Variants in POMK observed in about 807,000 individuals in gnomAD.
POMK encodes the protein protein O-mannose kinase.
A neutral mutation model predicts 23.0 loss-of-function variants in POMK; 19 were observed. That is an observed-to-expected ratio of 0.83 (90% confidence interval 0.58 to 1.21). The LOEUF is 1.21. Among genes scored for constraint, POMK ranks in the 50% most tolerant of loss-of-function variants. POMK has a pLI of 0.00. For synonymous variants in POMK, 173 were observed against 171.6 expected (o/e 1.01, Z -0.06); for missense variants, 410 against 431.3 (o/e 0.95, Z 0.44).
At chr8:43,120,711 C>G (rs1228468754) in intron 4 of POMK, among the ~76,000 whole-genome samples, 5 of 147,830 alleles carry the variant, frequency 3.4e-5, no homozygotes, top group African/African-American at 1.2e-4. Context: ...GAGTTTCACT[C>G]TTGTTGCCCA....
chr8:43,099,197 C>T (rs576567646), intron 2 of POMK, among the ~76,000 whole-genome samples: 1 of 152,364 alleles, frequency 6.6e-6, no homozygotes, highest in East Asian at 1.9e-4. Context: ...GCGATCCTCC[C>T]ACCTTGGCCT....
At chr8:43,100,788 G>T (rs1811424143) in intron 2 of POMK, among the ~76,000 whole-genome samples, 1 of 151,926 alleles carries the variant, frequency 6.6e-6, no homozygotes, top group Admixed American at 6.6e-5. Flanking sequence ...GAGGTAGGGG[G>T]TGGTGGTGGT....
At chr8:43,098,353 T>C (rs1286945832) in intron 2 of POMK, among the ~76,000 whole-genome samples, 1 of 152,232 alleles carries the variant, frequency 6.6e-6, no homozygotes, top group Non-Finnish European at 1.5e-5. Flanking sequence ...GGACATTTCA[T>C]GTAAATGGAA....
At chr8:43,119,168 G>A (rs1173281261) in intron 4 of POMK, among the ~76,000 whole-genome samples, 2 of 152,054 alleles carry the variant, frequency 1.3e-5, no homozygotes, top group Non-Finnish European at 2.9e-5. Flanking sequence ...TCGTTTTTAG[G>A]TGAAAAATGG....
rs576333819 is a variant in POMK at position 43,112,001 on chromosome 8, T to G, written c.282+8171T>G. Among the ~76,000 whole-genome samples, 19 of 152,166 alleles carry G rather than the reference T, an allele frequency of 1.2e-4. No individual in the cohort carries two copies. The South Asian group carries it at 1.9e-3, about 15-fold the overall frequency. On this transcript the variant is annotated intron_variant, in intron 4 of 4. Transcript: ENST00000331373. Reference sequence around the variant, plus strand: ...GCAGAAAAACTGGAAACTCTAAAAATCAGAGCGCCTCTCCTCCTCCAAAGG... The same window carrying G: ...GCAGAAAAACTGGAAACTCTAAAAAGCAGAGCGCCTCTCCTCCTCCAAAGG...
intron 4 of POMK, among the ~76,000 whole-genome samples, chr8:43,104,624 A>G (rs1811510991): frequency 6.6e-6 from 1 of 152,194 alleles, no homozygotes; most frequent in Admixed American, 6.5e-5. Flanking sequence ...TGACTTTTCA[A>G]CTGTGAAATT....
chr8:43,105,200 T>G (rs1811521731), intron 4 of POMK, among the ~76,000 whole-genome samples: 1 of 152,190 alleles, frequency 6.6e-6, no homozygotes, highest in South Asian at 2.1e-4. Flanking sequence ...ATTCAATATC[T>G]TCTCTTCTGG....
At chr8:43,112,078 ATGAGT>A (rs201596962) in intron 4 of POMK, among the ~76,000 whole-genome samples, 3,125 of 152,308 alleles carry the variant, frequency 0.021, 114 homozygotes, top group African/African-American at 0.071. Context: ...AATGACTTTG[ATGAGT>A]TGAGAGAGGA....
At chr8:43,106,344 A>AT (rs1811543877) in intron 4 of POMK, among the ~76,000 whole-genome samples, 1 of 151,360 alleles carries the variant, frequency 6.6e-6, no homozygotes, top group Non-Finnish European at 1.5e-5. Context: ...TCATATTGTT[A>AT]TTTTTTTCTG....
At chr8:43,120,983 G>C (rs1162635725) in intron 4 of POMK, among the ~76,000 whole-genome samples, 3 of 152,140 alleles carry the variant, frequency 2.0e-5, no homozygotes, top group African/African-American at 7.2e-5. Flanking sequence ...GGCCCACCCT[G>C]CTAGTTTCTA....
intron 4 of POMK, among the ~76,000 whole-genome samples, chr8:43,119,642 C>T (rs996843050): frequency 9.2e-5 from 14 of 151,992 alleles, no homozygotes; most frequent in African/African-American, 3.1e-4. Flanking sequence ...ACCATGTTGC[C>T]AGGCTGGTCT....
At chr8:43,107,903 G>T (rs1811576887) in intron 4 of POMK, among the ~76,000 whole-genome samples, 1 of 152,090 alleles carries the variant, frequency 6.6e-6, no homozygotes. Context: ...GGCTGGTCTT[G>T]AACTCCTGAG....
At chr8:43,121,354 A>C (rs1811912985) in intron 4 of POMK, among the ~76,000 whole-genome samples, 1 of 152,222 alleles carries the variant, frequency 6.6e-6, no homozygotes, top group African/African-American at 2.4e-5. Flanking sequence ...TCCTGCAAGC[A>C]AATGAAAGGT....
chr8:43,115,204 C>T (rs1332982525), intron 4 of POMK, among the ~76,000 whole-genome samples: 2 of 152,192 alleles, frequency 1.3e-5, no homozygotes, highest in Admixed American at 6.5e-5. Flanking sequence ...ACTTCTTGGC[C>T]TCTTGCCAGC....
At chr8:43,098,590 TGTGTGTGTGA>T (rs1156657005) in intron 2 of POMK, among the ~76,000 whole-genome samples, 2 of 152,034 alleles carry the variant, frequency 1.3e-5, no homozygotes, top group African/African-American at 4.8e-5. Flanking sequence ...CATGTATGAG[TGTGTGTGTGA>T]GTGTGTGTGT....
At position 43,122,614 on chromosome 8, in the gene POMK, G is replaced by GA; in HGVS notation, c.791dup (p.Asp265GlyfsTer7). On this transcript the variant is annotated frameshift_variant, in exon 5 of 5. Coordinates refer to ENST00000331373, the MANE Select transcript of POMK (RefSeq NM_032237.5). LOFTEE classifies it high-confidence loss of function. ...TCCAGAGCAACTGTGGCCCTATGGA[G>GA]AGGACGTGCCTTTCCACGATGATCT... 6.2e-7 allele frequency: 1 copy of GA among 1,614,232 alleles called. No homozygotes were observed. Among genetic ancestry groups the GA allele is most frequent in the Non-Finnish European group, 8.5e-7 (1 of 1,180,040 alleles).
At chr8:43,118,260 A>G (rs1196871957) in intron 4 of POMK, among the ~76,000 whole-genome samples, 2 of 152,246 alleles carry the variant, frequency 1.3e-5, no homozygotes, top group African/African-American at 4.8e-5. Context: ...ACATGTATAT[A>G]TGGAAAGGAT....
At position 43,122,792 on chromosome 8, in the gene POMK, C is replaced by A. The variant is rs1029874324; in HGVS notation, c.968C>A (p.Thr323Asn). ...CKSQTPSERP[T>N]AQDVLETYQK... ...AGCCAGACTCCCTCAGAAAGACCCA[C>A]TGCCCAGGACGTTCTGGAGACCTAC... Residue 323 changes from threonine (T) to asparagine (N), a missense_variant, in exon 5 of 5, where the codon ACT becomes AAT. Coordinates refer to ENST00000331373, the MANE Select transcript of POMK (RefSeq NM_032237.5). 1.2e-6 allele frequency: 2 copies of A among 1,614,188 alleles called. No individual in the cohort carries two copies. The highest frequency in any genetic ancestry group is 1.7e-6 in the Non-Finnish European group (2 of 1,180,020).
intron 4 of POMK, among the ~76,000 whole-genome samples, chr8:43,121,378 A>G (rs1038830319): frequency 3.9e-5 from 6 of 152,236 alleles, no homozygotes; most frequent in Non-Finnish European, 8.8e-5. Flanking sequence ...AATCCAAGGC[A>G]GAAATGTGAA....
Sources: gnomAD v4.1 joint callset for allele counts (sites outside exome capture counted in the v4.1 genomes callset) on GRCh38, gnomAD v4.1.1 for gene constraint, MANE v1.5 for transcripts, NCBI Gene and HGNC (gene_info 2026-07-23, HGNC 2026-07-21) for gene names.